The following ZNF583 variants were observed in gnomAD, a reference collection of about 807,000 sequenced individuals.
ZNF583 encodes zinc finger protein L3-5.
ZNF583 carries 30 observed loss-of-function variants against 55.3 expected under a neutral mutation model. The ratio of observed to expected loss-of-function variants is 0.54; its 90% CI spans 0.41 to 0.74. ZNF583 has a LOEUF of 0.74. Ranked by LOEUF, ZNF583 falls within the 30% of genes least tolerant of loss-of-function variation. ZNF583 has a pLI of 0.00. For missense variants in ZNF583, 504 were observed against 664.7 expected (o/e 0.76, Z 2.66); for synonymous variants, 208 against 220.0 (o/e 0.95, Z 0.48).
chr19:56,413,343 A>G (rs865777236), intron 2 of ZNF583, among the ~76,000 whole-genome samples: 1 of 152,180 alleles, frequency 6.6e-6, no homozygotes, highest in Non-Finnish European at 1.5e-5. Flanking sequence ...CAGCTTCTTG[A>G]TTGCTCTCTG....
intron 2 of ZNF583, among the ~76,000 whole-genome samples, chr19:56,410,561 G>C (rs2042222139): frequency 6.6e-6 from 1 of 152,060 alleles, no homozygotes; most frequent in Admixed American, 6.5e-5. Flanking sequence ...AATTAGCTGA[G>C]CGTGGTGGTG....
rs771163626 is a variant in ZNF583 at position 56,422,880 on chromosome 19, A to C, written c.233-11A>C. The stretch of plus-strand genomic sequence containing the variant: ...AAATACAAAAGTCATTTGTTTCTTG[A>C]TATCTTTTAGATTGGGAGTATGTAT... On this transcript the variant is annotated splice_polypyrimidine_tract_variant and intron_variant, in intron 4 of 4. Coordinates refer to ENST00000333201, the MANE Select transcript of ZNF583 (RefSeq NM_152478.3). The C allele has an allele frequency of 3.2e-6, 5 of 1,548,050 alleles. No individual in the cohort carries two copies. Among genetic ancestry groups the C allele is most frequent in the Non-Finnish European group, 4.3e-6 (5 of 1,151,286 alleles).
chr19:56,406,031 T>C (rs543804363), intron 1 of ZNF583, among the ~76,000 whole-genome samples: 16 of 152,234 alleles, frequency 1.1e-4, no homozygotes, highest in Non-Finnish European at 2.4e-4. Context: ...GAATTCACCA[T>C]AGGGGGTTTG....
At chr19:56,420,209 T>C (rs1211315464) in intron 4 of ZNF583, among the ~76,000 whole-genome samples, 2 of 152,200 alleles carry the variant, frequency 1.3e-5, no homozygotes, top group Admixed American at 1.3e-4. Flanking sequence ...ATGTGTTTAG[T>C]TCTCAGATGT....
At chr19:56,412,800 T>G (rs1568805791) in intron 2 of ZNF583, among the ~76,000 whole-genome samples, 1 of 152,264 alleles carries the variant, frequency 6.6e-6, no homozygotes, top group Non-Finnish European at 1.5e-5. Context: ...TTCAAACATT[T>G]ATTGTAATAT....
chr19:56,420,509 A>G (rs964847531), intron 4 of ZNF583, among the ~76,000 whole-genome samples: 1 of 152,196 alleles, frequency 6.6e-6, no homozygotes, highest in Non-Finnish European at 1.5e-5. Flanking sequence ...TGAGCAAAGC[A>G]TGTGTTAGTT....
At chr19:56,419,195 CTT>C (rs57785686) in intron 4 of ZNF583, among the ~76,000 whole-genome samples, 2,140 of 114,004 alleles carry the variant, frequency 0.019, 17 homozygotes, top group Middle Eastern at 0.062. Context: ...TGCAGGTTTA[CTT>C]TTTTTTTTTT....
chr19:56,421,587 A>G (rs987904132), intron 4 of ZNF583: 1 of 796,782 alleles, frequency 1.3e-6, no homozygotes, highest in African/African-American at 1.9e-5. Context: ...ATTTAAGTTT[A>G]GTGGTAATAT....
intron 2 of ZNF583, among the ~76,000 whole-genome samples, chr19:56,413,026 C>T (rs772656509): frequency 2.2e-4 from 34 of 152,158 alleles, no homozygotes; most frequent in Non-Finnish European, 3.8e-4. Context: ...CATGCACCAC[C>T]ACACCTGGCC....
intron 4 of ZNF583, among the ~76,000 whole-genome samples, chr19:56,422,046 A>G (rs1289596969): frequency 6.6e-6 from 1 of 152,196 alleles, no homozygotes; most frequent in Non-Finnish European, 1.5e-5. Flanking sequence ...TGGTGCTCCT[A>G]AAGTGGAAAT....
intron 2 of ZNF583, among the ~76,000 whole-genome samples, chr19:56,409,860 C>T (rs888420621): frequency 6.6e-6 from 1 of 151,736 alleles, no homozygotes; most frequent in Non-Finnish European, 1.5e-5. Flanking sequence ...TTTGTTTCTC[C>T]TTTTTTGCTT....
At chr19:56,409,395 G>A (rs1832289627) in intron 2 of ZNF583, among the ~76,000 whole-genome samples, 1 of 151,398 alleles carries the variant, frequency 6.6e-6, no homozygotes, top group Admixed American at 6.6e-5. Flanking sequence ...TAGAATAGGT[G>A]GAACCCATTA....
chr19:56,406,984 C>A, intron 1 of ZNF583, 42 bp from the exon 2 acceptor site: 2 of 937,974 alleles, frequency 2.1e-6, no homozygotes, highest in Non-Finnish European at 3.3e-6. Flanking sequence ...CTGAGAGCTG[C>A]AGGGCAGGCC....
Position 56,427,246 on chromosome 19 carries a change from A to T in ZNF583, c.*2878A>T, listed in dbSNP as rs746119804. ...CACTCTCCCCTCTCTTGTATAAGTA[A>T]ATTGAATGGGATCCTTATTTCACAC... On this transcript the variant is annotated 3_prime_UTR_variant, in exon 5 of 5. Transcript: ENST00000333201. 5.3e-5 allele frequency: 8 copies of T among 152,154 alleles called. No individual in the cohort carries two copies. Among genetic ancestry groups the T allele is most frequent in the Non-Finnish European group, 1.2e-4 (8 of 68,028 alleles). The allele number at this position is 152,154 out of a possible 1,614,324, so 9.4% of individuals were successfully genotyped here. A position where few individuals can be genotyped will look rare whatever the true frequency, so the allele number is the denominator to read the frequency against.
In ZNF583 at chr19:56,427,110, G is replaced by T. The variant is rs777966471; in HGVS notation, c.*2742G>T. On this transcript the variant is annotated 3_prime_UTR_variant, in exon 5 of 5. Transcript: ENST00000333201. ...CCAAAGGATCCCTAGAGAAGTTCAG[G>T]CTTGGAGTTGGCTTATGTACAGGCT... 3 of 152,068 alleles carry T rather than the reference G, an allele frequency of 2.0e-5. No homozygotes were observed. Among genetic ancestry groups the T allele is most frequent in the African/African-American group, 7.2e-5 (3 of 41,410 alleles). 9.4% of individuals were successfully genotyped at this position (152,068 alleles called of 1,614,324 possible). A position where few individuals can be genotyped will look rare whatever the true frequency, so the allele number is the denominator to read the frequency against.
chr19:56,411,545 A>G (rs1178027364), intron 2 of ZNF583, among the ~76,000 whole-genome samples: 9 of 152,254 alleles, frequency 5.9e-5, no homozygotes, highest in Non-Finnish European at 1.2e-4. Flanking sequence ...CTGCTTCGCT[A>G]ATGTCTACAG....
At chr19:56,421,414 A>C (rs2042414046) in intron 4 of ZNF583, 1 of 974,190 alleles carries the variant, frequency 1.0e-6, no homozygotes, top group East Asian at 1.1e-4. Context: ...TTTAATTTTC[A>C]TGTTGACTTT....
intron 4 of ZNF583, chr19:56,421,426 T>TA (rs1252838949): frequency 1.0e-5 from 10 of 983,870 alleles, no homozygotes; most frequent in Non-Finnish European, 1.2e-5. Context: ...GTTGACTTTT[T>TA]ATAGGGCATT....
In ZNF583 at chr19:56,404,389, C is replaced by CCATGGCCCAGCCCCGG. The variant is rs2042111723; in HGVS notation, c.-152_-151insATGGCCCAGCCCCGGC. On this transcript the variant is annotated 5_prime_UTR_variant, in exon 1 of 5. It adds an upstream start codon to the 5' untranslated region. Transcript: ENST00000333201. The surrounding 1 kb of genome is among the most constrained non-coding windows in gnomAD (Gnocchi z 5.2). ...GGCCAGGATCGAGCCCTGGCCCGGG[C>CCATGGCCCAGCCCCGG]CCTGGCCCAGCCCCGGCCTCCAAGG... 1 of 152,434 alleles carries CCATGGCCCAGCCCCGG rather than the reference C, an allele frequency of 6.6e-6. No homozygotes were observed. The highest frequency in any genetic ancestry group is 2.4e-5 in the African/African-American group (1 of 41,466). The allele number at this position is 152,434 out of a possible 1,614,324, so 9.4% of individuals were successfully genotyped here. A position where few individuals can be genotyped will look rare whatever the true frequency, so the allele number is the denominator to read the frequency against.
Sources: gnomAD v4.1 joint callset for allele counts (sites outside exome capture counted in the v4.1 genomes callset) on GRCh38, gnomAD v4.1.1 for gene constraint, Gnocchi (gnomAD v3.1) non-coding constraint, MANE v1.5 for transcripts, NCBI Gene and HGNC (gene_info 2026-07-23, HGNC 2026-07-21) for gene names.